Variants in SLC2A8 observed in about 807,000 individuals in gnomAD.
SLC2A8 encodes the protein solute carrier family 2, facilitated glucose transporter member 8.
A neutral mutation model predicts 49.2 loss-of-function variants in SLC2A8; 53 were observed. The ratio of observed to expected loss-of-function variants is 1.08; its 90% CI spans 0.86 to 1.35. The LOEUF (loss-of-function observed/expected upper bound fraction) is 1.35, where lower values mean the gene tolerates loss of function less well. Among genes scored for constraint, SLC2A8 ranks in the 40% most tolerant of loss-of-function variants. The pLI is 0.00. For synonymous variants in SLC2A8, 299 were observed against 297.0 expected, an observed-to-expected ratio of 1.01 and a Z score of -0.07; for missense variants, 688 against 671.7, an observed-to-expected ratio of 1.02 and a Z score of -0.27.
At position 127,399,598 on chromosome 9, in the gene SLC2A8, A is replaced by T. The variant is rs1312046567; in HGVS notation, c.427-309A>T. Among the ~76,000 whole-genome samples, 1 of 150,942 alleles carries T rather than the reference A, an allele frequency of 6.6e-6. No individual in the cohort carries two copies. Among genetic ancestry groups the T allele is most frequent in the African/African-American group, 2.4e-5 (1 of 40,990 alleles). ...TTTTTTTTTTTAATTTTTATTTAAA[A>T]ATTTCGGAGTTTCGCTCTTGTTGCC... On this transcript the variant is annotated intron_variant, in intron 3 of 9. Transcript: ENST00000373371. This position sits in a 1 kb window ranked among gnomAD's most constrained non-coding sequence, Gnocchi z 4.2.
rs1342129174 is a variant in SLC2A8 at position 127,399,325 on chromosome 9, G to T, written c.427-582G>T. On this transcript the variant is annotated intron_variant, in intron 3 of 9. Coordinates refer to ENST00000373371, the MANE Select transcript of SLC2A8 (RefSeq NM_014580.5). This position sits in a 1 kb window ranked among gnomAD's most constrained non-coding sequence, Gnocchi z 4.2. Reference sequence around the variant, plus strand: ...CTGTGCACATTAAACGAAGGCTTGAGAAGCTCTGTGCCCACCGCCTCTCGT... The same window carrying T: ...CTGTGCACATTAAACGAAGGCTTGATAAGCTCTGTGCCCACCGCCTCTCGT... 1.3e-5 allele frequency among the ~76,000 whole-genome samples: 2 copies of T among 152,166 alleles called. No individual in the cohort carries two copies. Among genetic ancestry groups the T allele is most frequent in the African/African-American group, 4.8e-5 (2 of 41,426 alleles).
At chr9:127,405,968 A>G in intron 9 of SLC2A8, 1 of 528,462 alleles carries the variant, frequency 1.9e-6, no homozygotes, top group East Asian at 5.3e-5. Flanking sequence ...CTTTGGCTGA[A>G]ACTGGAGGAG....
At chr9:127,397,851 G>C (rs1833097536) in intron 2 of SLC2A8, 54 bp from the exon 3 acceptor site, 1 of 1,418,274 alleles carries the variant, frequency 7.1e-7, no homozygotes, top group African/African-American at 1.5e-5. Flanking sequence ...TGGGTGGAGG[G>C]GGAGGATGGG....
chr9:127,397,403 C>T lies in SLC2A8; in HGVS notation c.84C>T (p.Leu28=), dbSNP rs1448615419. The stretch of plus-strand genomic sequence containing the variant: ...CGCCCCGCGGCCGCCGCGTCTTCCT[C>T]GCCGCCTTCGCCGCTGCCCTGGGCC... ...GSAPRGRRVF[L]AAFAAALGPL... is the part of the protein sequence containing the mutation. Residue 28 remains leucine (L), a synonymous_variant, in exon 2 of 10, where the codon CTC becomes CTT. Transcript: ENST00000373371. The T allele has an allele frequency of 7.5e-6, 11 of 1,473,290 alleles. No individual in the cohort carries two copies. The highest frequency in any genetic ancestry group is 9.8e-6 in the Non-Finnish European group (11 of 1,121,086). The allele number at this position is 1,473,290 out of a possible 1,614,324, so 91.3% of individuals were successfully genotyped here.
chr9:127,403,779 C>A lies in SLC2A8; in HGVS notation c.843C>A (p.Thr281=). The A allele has an allele frequency of 1.2e-6, 2 of 1,613,184 alleles. No homozygotes were observed. The highest frequency in any genetic ancestry group is 1.7e-6 in the Non-Finnish European group (2 of 1,179,952). ...GVNAVMFYAE[T]IFEEAKFKDS... ...ACGCCGTCATGTTCTATGCAGAGAC[C>A]ATCTTTGAAGAGGCCAAGTTCAAGG... The change falls in exon 6 of 10, where the codon ACC becomes ACA. Residue 281 remains threonine, a synonymous_variant. Coordinates refer to ENST00000373371, the MANE Select transcript of SLC2A8 (RefSeq NM_014580.5).
chr9:127,399,827 C>A lies in SLC2A8; in HGVS notation c.427-80C>A. On this transcript the variant is annotated intron_variant, in intron 3 of 9. Transcript: ENST00000373371. This position sits in a 1 kb window ranked among gnomAD's most constrained non-coding sequence, Gnocchi z 4.2. The stretch of plus-strand genomic sequence containing the variant: ...AACTCCCAACCTCTGGTGATCTGCC[C>A]GCCTCGGCCTCCCAGAGTGCTGGGA... 8.2e-7 allele frequency: 1 copy of A among 1,221,376 alleles called. No homozygotes were observed. Among genetic ancestry groups the A allele is most frequent in the Non-Finnish European group, 1.2e-6 (1 of 838,180 alleles). 75.7% of individuals were successfully genotyped at this position (1,221,376 alleles called of 1,614,324 possible). A position where few individuals can be genotyped will look rare whatever the true frequency, so the allele number is the denominator to read the frequency against.
Position 127,400,135 on chromosome 9 carries a change from T to A in SLC2A8, c.526+129T>A, listed in dbSNP as rs1279053780. 6 of 632,534 alleles carry A rather than the reference T, an allele frequency of 9.5e-6. No homozygotes were observed. The African/African-American group carries it at 9.6e-5, about 10-fold the overall frequency. 39.2% of individuals were successfully genotyped at this position (632,534 alleles called of 1,614,324 possible). On this transcript the variant is annotated intron_variant, in intron 4 of 9. Coordinates refer to ENST00000373371, the MANE Select transcript of SLC2A8 (RefSeq NM_014580.5). Reference sequence around the variant, plus strand: ...ATAGCCAGTGCCCAACATGCCAGGCTCGCCTTCCTGGGACCTTGGGATAGG... The same window carrying A: ...ATAGCCAGTGCCCAACATGCCAGGCACGCCTTCCTGGGACCTTGGGATAGG...
At chr9:127,400,393 A>G (rs1467842793) in intron 4 of SLC2A8, among the ~76,000 whole-genome samples, 2 of 151,966 alleles carry the variant, frequency 1.3e-5, no homozygotes, top group Non-Finnish European at 2.9e-5. Flanking sequence ...TCCTGACCTC[A>G]TGAACCGCCA....
chr9:127,405,247 G>T (rs1273599276), intron 8 of SLC2A8, among the ~76,000 whole-genome samples, 173 bp from the exon 9 acceptor site: 3 of 152,222 alleles, frequency 2.0e-5, no homozygotes, highest in Non-Finnish European at 4.4e-5. Flanking sequence ...GCCTGAGGAG[G>T]GAAGAGGCTG....
chr9:127,399,951 C>T lies in SLC2A8; in HGVS notation c.471C>T (p.Leu157=), dbSNP rs36057295. The change falls in exon 4 of 10, where the codon CTC becomes CTT. Residue 157 remains leucine (L), a synonymous_variant. Coordinates refer to ENST00000373371, the MANE Select transcript of SLC2A8 (RefSeq NM_014580.5). This position sits in a 1 kb window ranked among gnomAD's most constrained non-coding sequence, Gnocchi z 4.2. Reference sequence around the variant, plus strand: ...CCTACCCAGCAGTCCGGGGGTTGCTCGGCTCCTGTGTGCAGCTAATGGTCG... The same window carrying T: ...CCTACCCAGCAGTCCGGGGGTTGCTTGGCTCCTGTGTGCAGCTAATGGTCG... ...EIAYPAVRGL[L]GSCVQLMVVV... The T allele has an allele frequency of 9.3e-6, 15 of 1,613,722 alleles. No individual in the cohort carries two copies. The highest frequency in any genetic ancestry group is 2.2e-5 in the East Asian group (1 of 44,860).
rs533008263 is a variant in SLC2A8, at chr9:127,399,369, C to A, written c.427-538C>A. The stretch of plus-strand genomic sequence containing the variant: ...CTCTCGTCATCATATGCAGCCCTCT[C>A]CGTTACCCTTAATCCCCTTTAAACA... On this transcript the variant is annotated intron_variant, in intron 3 of 9. Transcript: ENST00000373371. The surrounding 1 kb of genome is among the most constrained non-coding windows in gnomAD (Gnocchi z 4.2). Among the ~76,000 whole-genome samples the A allele has an allele frequency of 6.6e-6, 1 of 152,160 alleles. No individual in the cohort carries two copies. The highest frequency in any genetic ancestry group is 6.5e-5 in the Admixed American group (1 of 15,284).
intron 4 of SLC2A8, among the ~76,000 whole-genome samples, 158 bp downstream of exon 4, chr9:127,400,164 G>GTTTTTTTTTTTTTTTTTTTTT (rs1564214930): frequency 1.8e-5 from 2 of 113,952 alleles, no homozygotes; most frequent in African/African-American, 7.5e-5. Flanking sequence ...GGATAGGTGA[G>GTTTTTTTTTTTTTTTTTTTTT]TCTTTTTTTT....
At position 127,405,098 on chromosome 9, in the gene SLC2A8, C is replaced by A. The variant is rs758374097; in HGVS notation, c.1150+107C>A. The A allele has an allele frequency of 2.5e-5, 31 of 1,255,444 alleles. No homozygotes were observed. The East Asian group carries it at 4.3e-4, about 18-fold the overall frequency. The allele number at this position is 1,255,444 out of a possible 1,614,324, so 77.8% of individuals were successfully genotyped here. ...TCTTCCCCAGCCTCACCTCTCCTCTCGTAAGTTCCAAGCTCTGCATTTCTA... is the reference window on the plus strand; with the variant it reads ...TCTTCCCCAGCCTCACCTCTCCTCTAGTAAGTTCCAAGCTCTGCATTTCTA... On this transcript the variant is annotated intron_variant, in intron 8 of 9. Transcript: ENST00000373371.
At chr9:127,397,811 C>T in intron 2 of SLC2A8, 94 bp from the exon 3 acceptor site, 1 of 1,304,080 alleles carries the variant, frequency 7.7e-7, no homozygotes, top group Non-Finnish European at 1.0e-6. Context: ...CGCGGGGCCC[C>T]GGCTCTTTTA....
chr9:127,397,926 G>A lies in SLC2A8; in HGVS notation c.241G>A (p.Ala81Thr). Residue 81 changes from alanine to threonine, a missense_variant, in exon 3 of 10, where the codon GCG becomes ACG. Coordinates refer to ENST00000373371, the MANE Select transcript of SLC2A8 (RefSeq NM_014580.5). ...WFGAVVTLGA[A>T]AGGVLGGWLV... is the part of the protein sequence containing the mutation. ...CCAGGCTGTCGTGACCCTGGGTGCC[G>A]CGGCGGGGGGAGTGCTGGGCGGCTG... The A allele has an allele frequency of 6.5e-7, 1 of 1,529,582 alleles. No homozygotes were observed. The highest frequency in any genetic ancestry group is 8.7e-7 in the Non-Finnish European group (1 of 1,144,382). The allele number at this position is 1,529,582 out of a possible 1,614,324, so 94.8% of individuals were successfully genotyped here.
chr9:127,398,276 G>A (rs1215472340), intron 3 of SLC2A8, 165 bp downstream of exon 3: 1 of 807,804 alleles, frequency 1.2e-6, no homozygotes. Flanking sequence ...TCGACCCTGG[G>A]AAGGATCCTA....
chr9:127,397,947 G>T lies in SLC2A8; in HGVS notation c.262G>T (p.Gly88Cys). ...TGCCGCGGCGGGGGGAGTGCTGGGC[G>T]GCTGGCTGGTGGACCGCGCCGGGCG... ...LGAAAGGVLG[G>C]WLVDRAGRKL... The change falls in exon 3 of 10, where the codon GGC (glycine) becomes TGC (cysteine). Residue 88 changes from glycine to cysteine, a missense_variant. Physicochemically the swap from Gly to Cys is radical, Grantham distance 159 (BLOSUM62 -3). Coordinates refer to ENST00000373371, the MANE Select transcript of SLC2A8 (RefSeq NM_014580.5). 2 of 1,533,808 alleles carry T rather than the reference G, an allele frequency of 1.3e-6. 1 individual carries two copies. Among genetic ancestry groups the T allele is most frequent in the Middle Eastern group, 4.2e-4 (2 of 4,776 alleles).
rs1465273658 is a variant in SLC2A8 at position 127,399,767 on chromosome 9, G to C, written c.427-140G>C. 5.0e-6 allele frequency: 3 copies of C among 601,308 alleles called. No individual in the cohort carries two copies. The highest frequency in any genetic ancestry group is 8.9e-6 in the Non-Finnish European group (3 of 338,108). 37.2% of individuals were successfully genotyped at this position (601,308 alleles called of 1,614,324 possible). On this transcript the variant is annotated intron_variant, in intron 3 of 9. Transcript: ENST00000373371. This position sits in a 1 kb window ranked among gnomAD's most constrained non-coding sequence, Gnocchi z 4.2. ...CAGCTAATTTTGTATTTTTAGTAGA[G>C]ATGGGGTTTCTCCCTGTTGGTCAGG... is the stretch of plus-strand genomic sequence containing the variant.
intron 7 of SLC2A8, 42 bp from the exon 8 acceptor site, chr9:127,404,776 G>C (rs753623855): frequency 6.3e-7 from 1 of 1,589,588 alleles, no homozygotes. Context: ...GCCCTGGGCC[G>C]TTCCCCGGGT....
Sources: gnomAD v4.1 joint callset for allele counts (sites outside exome capture counted in the v4.1 genomes callset) on GRCh38, gnomAD v4.1.1 for gene constraint, Gnocchi (gnomAD v3.1) non-coding constraint, MANE v1.5 for transcripts, NCBI Gene and HGNC (gene_info 2026-07-23, HGNC 2026-07-21) for gene names.